The following CSGALNACT1 variants were observed in gnomAD, a reference collection of about 807,000 sequenced individuals.
The protein encoded by CSGALNACT1 is chondroitin sulfate N-acetylgalactosaminyltransferase 1.
CSGALNACT1 carries 52 observed loss-of-function variants against 51.0 expected under a neutral mutation model. That is an observed-to-expected ratio of 1.02 (90% CI 0.82 to 1.29). The LOEUF (loss-of-function observed/expected upper bound fraction) is 1.29. CSGALNACT1 is among the 50% of genes most tolerant of loss of function. The probability of loss-of-function intolerance (pLI) is 0.00; values close to 1 mark genes in which losing one functional copy is unlikely to be tolerated. For missense variants in CSGALNACT1, 935 were observed against 679.2 expected, an observed-to-expected ratio of 1.38 and a Z score of -4.19; for synonymous variants, 341 against 254.4, an observed-to-expected ratio of 1.34 and a Z score of -3.24.
intron 2 of CSGALNACT1, among the ~76,000 whole-genome samples, chr8:19,594,310 A>T (rs1173345769): frequency 6.6e-6 from 1 of 152,212 alleles, no homozygotes; most frequent in Non-Finnish European, 1.5e-5. Flanking sequence ...GAGAGTCTCA[A>T]GGACAGTGGT....
exon 10 of CSGALNACT1, chr8:19,404,421 A>C (rs2053756320): frequency 4.4e-6 from 2 of 453,212 alleles, no homozygotes; most frequent in Non-Finnish European, 8.8e-6. Flanking sequence ...CTCTATGTTA[A>C]CTGTATTTAT....
At chr8:19,502,157 G>T (rs1407745534) in intron 4 of CSGALNACT1, among the ~76,000 whole-genome samples, 1 of 152,216 alleles carries the variant, frequency 6.6e-6, no homozygotes, top group Non-Finnish European at 1.5e-5. Flanking sequence ...TTTTATAGAA[G>T]AGGATCCCAA....
chr8:19,630,773 C>T (rs934681859), intron 1 of CSGALNACT1, among the ~76,000 whole-genome samples: 6 of 152,206 alleles, frequency 3.9e-5, no homozygotes, highest in Admixed American at 3.9e-4. Flanking sequence ...TGCATTCAAG[C>T]TTCCTCCAGG....
rs527610210 is a variant in CSGALNACT1 at position 19,725,189 on chromosome 8, C to T, written c.-297+32661G>A. On this transcript the variant is annotated intron_variant, in intron 1 of 1. Transcript: ENST00000517494. Reference sequence around the variant, plus strand: ...ATAACTGTCCATTTTCAGGCAGGTGCGGAAGTCCAAGGCACTAAGCCTTGG... The same window carrying T: ...ATAACTGTCCATTTTCAGGCAGGTGTGGAAGTCCAAGGCACTAAGCCTTGG... Among the ~76,000 whole-genome samples, 6 of 152,284 alleles carry T rather than the reference C, an allele frequency of 3.9e-5. No homozygotes were observed. In the South Asian group the frequency reaches 1.0e-3, roughly 26 times the overall value.
intron 3 of CSGALNACT1, among the ~76,000 whole-genome samples, chr8:19,557,395 G>A (rs557622516): frequency 6.6e-6 from 1 of 152,218 alleles, no homozygotes; most frequent in Admixed American, 6.5e-5. Flanking sequence ...TTATGTTCCA[G>A]CTCCAGACTC....
At chr8:19,704,673 C>T (rs1180386935) in intron 1 of CSGALNACT1, among the ~76,000 whole-genome samples, 6 of 152,016 alleles carry the variant, frequency 3.9e-5, no homozygotes, top group Admixed American at 3.3e-4. Context: ...TTTAAGTACC[C>T]ATAGACGGAT....
chr8:19,599,622 A>G (rs943887076), intron 2 of CSGALNACT1, among the ~76,000 whole-genome samples: 6 of 152,148 alleles, frequency 3.9e-5, no homozygotes, highest in Admixed American at 1.3e-4. Context: ...GAATAAATAA[A>G]TAAGTAGTCC....
chr8:19,649,601 T>C (rs2057592763), intron 1 of CSGALNACT1, among the ~76,000 whole-genome samples: 1 of 151,948 alleles, frequency 6.6e-6, no homozygotes, highest in Non-Finnish European at 1.5e-5. Context: ...CTTAATTCTA[T>C]ACAGAATTCA....
At chr8:19,519,185 C>T (rs1420877616) in intron 3 of CSGALNACT1, among the ~76,000 whole-genome samples, 1 of 152,120 alleles carries the variant, frequency 6.6e-6, no homozygotes, top group African/African-American at 2.4e-5. Flanking sequence ...TCTCGGGCAG[C>T]CCTGGGGGTG....
intron 1 of CSGALNACT1, among the ~76,000 whole-genome samples, chr8:19,718,499 T>A (rs2062939907): frequency 6.6e-6 from 1 of 152,234 alleles, no homozygotes; most frequent in African/African-American, 2.4e-5. Flanking sequence ...AACGCACAGT[T>A]GCAGCAAGTG....
chr8:19,725,219 C>A (rs147074388), intron 1 of CSGALNACT1, among the ~76,000 whole-genome samples: 1 of 152,238 alleles, frequency 6.6e-6, no homozygotes, highest in South Asian at 2.1e-4. Context: ...CCTTGGCGAG[C>A]GCTTTGCTAG....
chr8:19,536,267 CGTAA>C (rs2083719920), intron 3 of CSGALNACT1, among the ~76,000 whole-genome samples: 1 of 152,030 alleles, frequency 6.6e-6, no homozygotes, highest in Non-Finnish European at 1.5e-5. Context: ...GCTACACATG[CGTAA>C]AGGCAAGGGG....
intron 4 of CSGALNACT1, among the ~76,000 whole-genome samples, chr8:19,462,668 C>A (rs1284601464): frequency 3.3e-5 from 5 of 152,198 alleles, no homozygotes; most frequent in African/African-American, 9.6e-5. Flanking sequence ...CCACACACCA[C>A]AATTTATGCT....
intron 9 of CSGALNACT1, among the ~76,000 whole-genome samples, chr8:19,407,410 G>A (rs571554126): frequency 5.6e-4 from 86 of 152,252 alleles, no homozygotes; most frequent in African/African-American, 2.0e-3. Flanking sequence ...CACCCTGAGG[G>A]CACGGTCCCC....
At chr8:19,607,417 C>T (rs934299667), upstream of CSGALNACT1, among the ~76,000 whole-genome samples, 13 of 152,268 alleles carry the variant, frequency 8.5e-5, no homozygotes, top group East Asian at 1.5e-3. Context: ...GGCTGTGAGA[C>T]CAATAACACA....
intron 3 of CSGALNACT1, among the ~76,000 whole-genome samples, chr8:19,536,892 G>C (rs74833871): frequency 6.6e-6 from 1 of 152,172 alleles, no homozygotes; most frequent in Non-Finnish European, 1.5e-5. Context: ...CAAAGGTACA[G>C]AAGTAATTCA....
chr8:19,560,737 A>G (rs1056704017), intron 3 of CSGALNACT1, among the ~76,000 whole-genome samples: 1 of 152,224 alleles, frequency 6.6e-6, no homozygotes, highest in Non-Finnish European at 1.5e-5. Flanking sequence ...ACAAAGATGT[A>G]ACACCACTTG....
At chr8:19,657,239 T>TGATAAACTGAAAGATGATAAACTGAAA (rs2058361050) in intron 1 of CSGALNACT1, among the ~76,000 whole-genome samples, 6 of 86,370 alleles carry the variant, frequency 6.9e-5, no homozygotes, top group African/African-American at 1.7e-4. Context: ...AACTGAAAGA[T>TGATAAACTGAAAGATGATAAACTGAAA]GATAAACTGA....
At chr8:19,619,818 A>G in intron 1 of CSGALNACT1, among the ~76,000 whole-genome samples, 1 of 152,204 alleles carries the variant, frequency 6.6e-6, no homozygotes, top group African/African-American at 2.4e-5. Context: ...AAGTTACTTG[A>G]GAGATTAGAG....
Sources: allele counts gnomAD v4.1 joint callset (sites outside exome capture counted in the v4.1 genomes callset), GRCh38; gene constraint gnomAD v4.1.1; transcripts MANE v1.5; gene names NCBI Gene and HGNC (gene_info 2026-07-23, HGNC 2026-07-21).